The following TMCC1 variants were observed in gnomAD, a reference collection of about 807,000 sequenced individuals.
TMCC1 encodes transmembrane and coiled-coil domains protein 1.
A neutral mutation model predicts 52.4 loss-of-function variants in TMCC1; 15 were observed. The ratio of observed to expected loss-of-function variants is 0.29; its 90% CI spans 0.19 to 0.44. The LOEUF is 0.44. Among genes scored for constraint, TMCC1 ranks in the 20% least tolerant of loss-of-function variants. The pLI, the probability that TMCC1 is intolerant of heterozygous loss-of-function variation, is 1.00. For missense variants in TMCC1, 503 were observed against 806.0 expected, an observed-to-expected ratio of 0.62 and a Z score of 4.55; for synonymous variants, 279 against 301.9, an observed-to-expected ratio of 0.92 and a Z score of 0.79.
chr3:129,713,087 C>T (rs560642783), intron 4 of TMCC1, among the ~76,000 whole-genome samples: 123 of 151,760 alleles, frequency 8.1e-4, no homozygotes, highest in African/African-American at 2.5e-3. Context: ...CATAGTGAGA[C>T]CCTGACTCTA....
intron 2 of TMCC1, among the ~76,000 whole-genome samples, chr3:129,852,828 C>T (rs769761260): frequency 3.9e-5 from 6 of 152,040 alleles, no homozygotes; most frequent in Non-Finnish European, 5.9e-5. Flanking sequence ...AACTTTCTGT[C>T]GATGTTGACT....
At chr3:129,686,411 A>G (rs1000852448) in intron 4 of TMCC1, among the ~76,000 whole-genome samples, 3 of 152,026 alleles carry the variant, frequency 2.0e-5, no homozygotes, top group Non-Finnish European at 4.4e-5. Flanking sequence ...CTAGATCTTC[A>G]TTTTACAGTA....
intron 4 of TMCC1, among the ~76,000 whole-genome samples, chr3:129,699,391 G>A (rs558815201): frequency 2.0e-4 from 31 of 152,304 alleles, no homozygotes; most frequent in African/African-American, 5.5e-4. Flanking sequence ...CCATGGCAAC[G>A]TCCAGAAGTT....
chr3:129,677,489 A>T (rs574896331), intron 4 of TMCC1, among the ~76,000 whole-genome samples: 2 of 152,348 alleles, frequency 1.3e-5, no homozygotes, highest in South Asian at 2.1e-4. Flanking sequence ...AGCCAATGTG[A>T]CTATAGAACT....
At chr3:129,861,604 C>A (rs2060401615) in intron 2 of TMCC1, among the ~76,000 whole-genome samples, 1 of 151,866 alleles carries the variant, frequency 6.6e-6, no homozygotes, top group South Asian at 2.1e-4. Context: ...TCCAAATGGC[C>A]AAAAGACACA....
At chr3:129,842,477 A>AACACACACACACAC (rs61106930) in intron 2 of TMCC1, among the ~76,000 whole-genome samples, 1 of 147,650 alleles carries the variant, frequency 6.8e-6, no homozygotes, top group Non-Finnish European at 1.5e-5. Context: ...AAAAAAACAA[A>AACACACACACACAC]ACACACACAC....
intron 2 of TMCC1, among the ~76,000 whole-genome samples, chr3:129,839,056 C>T (rs2059303546): frequency 6.6e-6 from 1 of 151,902 alleles, no homozygotes; most frequent in Non-Finnish European, 1.5e-5. Flanking sequence ...GCCAGGAGAC[C>T]CATCCTATAA....
chr3:129,767,544 T>C (rs2054232147), intron 4 of TMCC1, among the ~76,000 whole-genome samples: 1 of 152,130 alleles, frequency 6.6e-6, no homozygotes, highest in Non-Finnish European at 1.5e-5. Flanking sequence ...TGCTAATTTT[T>C]AAATTTTTTT....
At chr3:129,721,876 A>AG (rs1419489441) in intron 4 of TMCC1, among the ~76,000 whole-genome samples, 19 of 14,968 alleles carry the variant, frequency 1.3e-3, no homozygotes, top group Admixed American at 7.6e-3. Context: ...ACTCCGTCTC[A>AG]AAAACAAACA....
At chr3:129,855,021 T>C (rs2060089541) in intron 2 of TMCC1, among the ~76,000 whole-genome samples, 2 of 152,186 alleles carry the variant, frequency 1.3e-5, no homozygotes, top group Non-Finnish European at 2.9e-5. Flanking sequence ...CCAGACTGCC[T>C]AAGTCAAAGT....
intron 4 of TMCC1, among the ~76,000 whole-genome samples, chr3:129,728,430 C>T (rs958258504): frequency 5.9e-5 from 9 of 152,054 alleles, no homozygotes; most frequent in Admixed American, 1.3e-4. Context: ...GGATTACAGG[C>T]GCCGGCCACC....
At chr3:129,861,911 C>T (rs1013089548) in intron 2 of TMCC1, among the ~76,000 whole-genome samples, 5 of 152,140 alleles carry the variant, frequency 3.3e-5, no homozygotes, top group African/African-American at 1.2e-4. Context: ...CATAAACGTT[C>T]CTAACAGCAT....
In TMCC1 at chr3:129,878,835, T is replaced by C. The variant is rs138577832; in HGVS notation, c.-184+1474A>G. On this transcript the variant is annotated intron_variant, in intron 2 of 6. Coordinates refer to ENST00000393238, the MANE Select transcript of TMCC1 (RefSeq NM_001017395.5). ...TAATAGAAACCCCCAAGGTAATTCATGTGCACATTGAAGTTTGAAAAGCAC... is the reference window on the plus strand; with the variant it reads ...TAATAGAAACCCCCAAGGTAATTCACGTGCACATTGAAGTTTGAAAAGCAC... 1.5e-4 allele frequency among the ~76,000 whole-genome samples: 23 copies of C among 152,324 alleles called. No homozygotes were observed. In the East Asian group the frequency reaches 4.2e-3, roughly 28 times the overall value.
intron 4 of TMCC1, among the ~76,000 whole-genome samples, chr3:129,821,932 A>C (rs1172435510): frequency 6.6e-6 from 1 of 151,922 alleles, no homozygotes; most frequent in Non-Finnish European, 1.5e-5. Flanking sequence ...GTGCAGTGGC[A>C]CTCACCTGTG....
At chr3:129,671,357 T>C in intron 4 of TMCC1, 93 bp from the exon 5 acceptor site, 1 of 1,313,080 alleles carries the variant, frequency 7.6e-7, no homozygotes, top group Non-Finnish European at 1.0e-6. Context: ...GTGTCTACTC[T>C]CAAATCTCAG....
At chr3:129,663,021 G>T (rs2087161394) in intron 5 of TMCC1, among the ~76,000 whole-genome samples, 1 of 152,150 alleles carries the variant, frequency 6.6e-6, no homozygotes, top group African/African-American at 2.4e-5. Flanking sequence ...AACACATCAA[G>T]ATTTTGTCGT....
At chr3:129,778,232 G>A (rs1242737808) in intron 4 of TMCC1, among the ~76,000 whole-genome samples, 1 of 152,112 alleles carries the variant, frequency 6.6e-6, no homozygotes, top group Non-Finnish European at 1.5e-5. Context: ...CAGTATTCAC[G>A]ATTCTAAATA....
chr3:129,654,429 T>C (rs963383594), intron 6 of TMCC1, among the ~76,000 whole-genome samples: 1 of 152,350 alleles, frequency 6.6e-6, no homozygotes, highest in East Asian at 1.9e-4. Context: ...AATGCTTTCA[T>C]ATGAAACCAC....
chr3:129,846,017 G>A, intron 2 of TMCC1, among the ~76,000 whole-genome samples: 1 of 151,858 alleles, frequency 6.6e-6, no homozygotes, highest in Non-Finnish European at 1.5e-5. Flanking sequence ...CTGGGCAACA[G>A]AGTGAGACTC....
Sources: gnomAD v4.1 joint callset for allele counts (sites outside exome capture counted in the v4.1 genomes callset) on GRCh38, gnomAD v4.1.1 for gene constraint, MANE v1.5 for transcripts, NCBI Gene and HGNC (gene_info 2026-07-23, HGNC 2026-07-21) for gene names.